The following RALGPS2 variants were observed in gnomAD, a reference collection of about 807,000 sequenced individuals.
RALGPS2 encodes Ral GEF with PH domain and SH3 binding motif 2, also known as ras-specific guanine nucleotide-releasing factor RalGPS2.
RALGPS2 carries 43 observed loss-of-function variants against 86.8 expected under a neutral mutation model. The observed-to-expected ratio is 0.50, with a 90% CI of 0.39 to 0.64. The LOEUF (loss-of-function observed/expected upper bound fraction) is 0.64. RALGPS2 is among the 30% of genes least tolerant of loss of function. The pLI, the probability that RALGPS2 is intolerant of heterozygous loss-of-function variation, is 0.00. For missense variants in RALGPS2, 536 were observed against 694.6 expected (o/e 0.77, Z 2.57); for synonymous variants, 243 against 231.3 (o/e 1.05, Z -0.46).
At position 178,917,182 on chromosome 1, in the gene RALGPS2, T is replaced by C. The variant is rs1277874968; in HGVS notation, c.*823T>C. Reference sequence around the variant, plus strand: ...TTTAGCTTTCTATATGAATTCATTGTTGGACCACAGATCTGCTTAAGTAAA... The same window carrying C: ...TTTAGCTTTCTATATGAATTCATTGCTGGACCACAGATCTGCTTAAGTAAA... On this transcript the variant is annotated 3_prime_UTR_variant, in exon 20 of 20. Coordinates refer to ENST00000367635, the MANE Select transcript of RALGPS2 (RefSeq NM_152663.5). 6.6e-6 allele frequency: 1 copy of C among 152,218 alleles called. No individual in the cohort carries two copies. Among genetic ancestry groups the C allele is most frequent in the African/African-American group, 2.4e-5 (1 of 41,466 alleles). The allele number at this position is 152,218 out of a possible 1,614,324, so 9.4% of individuals were successfully genotyped here. A position where few individuals can be genotyped will look rare whatever the true frequency, so the allele number is the denominator to read the frequency against.
At chr1:178,893,020 G>T (rs1273060485) in intron 15 of RALGPS2, among the ~76,000 whole-genome samples, 1 of 152,002 alleles carries the variant, frequency 6.6e-6, no homozygotes, top group East Asian at 1.9e-4. Flanking sequence ...TGGTTTATAG[G>T]TTCTTAAGTC....
intron 1 of RALGPS2, among the ~76,000 whole-genome samples, chr1:178,734,037 A>G (rs940850047): frequency 3.3e-5 from 5 of 152,242 alleles, no homozygotes; most frequent in Admixed American, 6.5e-5. Context: ...AAGACAACTC[A>G]ATTTAAAAAC....
chr1:178,878,846 T>TG, intron 9 of RALGPS2, 56 bp from the exon 10 acceptor site: 1 of 1,581,488 alleles, frequency 6.3e-7, no homozygotes, highest in Non-Finnish European at 8.6e-7. Context: ...GCTTAATTTT[T>TG]AAAGTTCTGG....
At chr1:178,757,818 G>A (rs1652032119) in intron 1 of RALGPS2, among the ~76,000 whole-genome samples, 1 of 152,126 alleles carries the variant, frequency 6.6e-6, no homozygotes, top group African/African-American at 2.4e-5. Context: ...AATGAGTTAG[G>A]GAGGAGTCCC....
At chr1:178,823,562 T>C (rs1290778600) in intron 7 of RALGPS2, among the ~76,000 whole-genome samples, 3 of 152,172 alleles carry the variant, frequency 2.0e-5, no homozygotes, top group African/African-American at 4.8e-5. Flanking sequence ...AACCATTTAT[T>C]TGGATATCTG....
chr1:178,847,512 G>A (rs1238742343), intron 8 of RALGPS2, among the ~76,000 whole-genome samples: 1 of 151,392 alleles, frequency 6.6e-6, no homozygotes, highest in African/African-American at 2.4e-5. Context: ...TTCAGGGCGA[G>A]GTCATAGCCT....
chr1:178,766,048 G>A (rs1652491016), intron 1 of RALGPS2, among the ~76,000 whole-genome samples: 1 of 152,184 alleles, frequency 6.6e-6, no homozygotes, highest in Non-Finnish European at 1.5e-5. Context: ...GGGATTAAGA[G>A]ATTAAAGTAA....
At chr1:178,820,041 A>G (rs995325759) in intron 6 of RALGPS2, among the ~76,000 whole-genome samples, 1 of 152,192 alleles carries the variant, frequency 6.6e-6, no homozygotes, top group East Asian at 1.9e-4. Context: ...GCTCATCACA[A>G]TCACCTCCAC....
At chr1:178,790,143 G>T (rs1269550837) in intron 4 of RALGPS2, among the ~76,000 whole-genome samples, 1 of 151,914 alleles carries the variant, frequency 6.6e-6, no homozygotes, top group African/African-American at 2.4e-5. Flanking sequence ...TTAGAGACAG[G>T]GTCTCGTTGT....
At chr1:178,851,027 T>G in intron 8 of RALGPS2, 1 of 1,121,202 alleles carries the variant, frequency 8.9e-7, no homozygotes, top group Non-Finnish European at 1.2e-6. Flanking sequence ...AAACTTTCTG[T>G]GTAGAAATAA....
intron 8 of RALGPS2, among the ~76,000 whole-genome samples, chr1:178,875,705 A>G (rs1364943108): frequency 6.6e-6 from 1 of 151,926 alleles, no homozygotes; most frequent in Non-Finnish European, 1.5e-5. Flanking sequence ...CCGAGATCGC[A>G]CCACTGCATT....
intron 1 of RALGPS2, among the ~76,000 whole-genome samples, chr1:178,762,326 T>A (rs1652284302): frequency 6.6e-6 from 1 of 152,198 alleles, no homozygotes; most frequent in Non-Finnish European, 1.5e-5. Context: ...TACATGTGCA[T>A]ATGTCTTTGT....
Position 178,788,798 on chromosome 1 carries a change from T to C in RALGPS2, c.213+3191T>C, listed in dbSNP as rs749998880. Among the ~76,000 whole-genome samples, 90 of 150,466 alleles carry C rather than the reference T, an allele frequency of 6.0e-4. 1 individual carries two copies. Among genetic ancestry groups the C allele is most frequent in the Middle Eastern group, 6.8e-3 (2 of 294 alleles). On this transcript the variant is annotated intron_variant, in intron 4 of 19. Coordinates refer to ENST00000367635, the MANE Select transcript of RALGPS2 (RefSeq NM_152663.5). ...GCTCTTTTTTTTCTCTTCTCTTCTTTTCTTTCTTTCTTTTCTTTTCTTTTC... is the reference window on the plus strand; with the variant it reads ...GCTCTTTTTTTTCTCTTCTCTTCTTCTCTTTCTTTCTTTTCTTTTCTTTTC...
chr1:178,780,121 T>TC (rs1223125305), intron 2 of RALGPS2, among the ~76,000 whole-genome samples: 1 of 152,222 alleles, frequency 6.6e-6, no homozygotes, highest in Non-Finnish European at 1.5e-5. Flanking sequence ...CAATCTTATA[T>TC]AACGTAATCA....
chr1:178,890,617 A>G (rs571559404), intron 14 of RALGPS2, among the ~76,000 whole-genome samples: 1 of 152,076 alleles, frequency 6.6e-6, no homozygotes, highest in Admixed American at 6.6e-5. Flanking sequence ...TTGAAATCAT[A>G]AATTTCATGC....
chr1:178,894,514 T>C (rs956737597), intron 16 of RALGPS2, among the ~76,000 whole-genome samples: 1 of 152,010 alleles, frequency 6.6e-6, no homozygotes, highest in Non-Finnish European at 1.5e-5. Flanking sequence ...GACACAAGGG[T>C]AGCACATATA....
At chr1:178,777,553 A>G (rs1236357719) in intron 2 of RALGPS2, among the ~76,000 whole-genome samples, 3 of 151,620 alleles carry the variant, frequency 2.0e-5, no homozygotes, top group African/African-American at 7.3e-5. Flanking sequence ...TTTAAAGTTC[A>G]TATGGAACCA....
chr1:178,795,404 T>C (rs1654143137), intron 4 of RALGPS2, among the ~76,000 whole-genome samples: 1 of 152,062 alleles, frequency 6.6e-6, no homozygotes, highest in African/African-American at 2.4e-5. Flanking sequence ...TTAATTAAAA[T>C]ATTTCTTGTT....
chr1:178,898,354 T>C (rs1173048837), intron 17 of RALGPS2, among the ~76,000 whole-genome samples: 2 of 151,942 alleles, frequency 1.3e-5, no homozygotes, highest in East Asian at 3.9e-4. Flanking sequence ...GGGAGAAAAA[T>C]TACGTGGTTT....
Sources: gnomAD v4.1 joint callset for allele counts (sites outside exome capture counted in the v4.1 genomes callset) on GRCh38, gnomAD v4.1.1 for gene constraint, MANE v1.5 for transcripts, NCBI Gene and HGNC (gene_info 2026-07-23, HGNC 2026-07-21) for gene names.